Variants in SRL observed in about 807,000 individuals in gnomAD.
The protein encoded by SRL is sarcalumenin.
SRL carries 23 observed loss-of-function variants against 39.5 expected under a neutral mutation model. The ratio of observed to expected loss-of-function variants is 0.58; its 90% CI spans 0.42 to 0.82. The LOEUF (loss-of-function observed/expected upper bound fraction) is 0.82, where lower values mean the gene tolerates loss of function less well. SRL is among the 40% of genes least tolerant of loss of function. SRL has a pLI of 0.00. For missense variants in SRL, 592 were observed against 607.8 expected, an observed-to-expected ratio of 0.97 and a Z score of 0.27; for synonymous variants, 272 against 237.4, an observed-to-expected ratio of 1.15 and a Z score of -1.34.
chr16:4,201,985 C>T (rs2052240273), intron 3 of SRL, among the ~76,000 whole-genome samples: 1 of 151,840 alleles, frequency 6.6e-6, no homozygotes. Flanking sequence ...GAGATGGGGT[C>T]TGACTATGTT....
Position 4,203,146 on chromosome 16 carries a change from C to T in SRL, c.259+20G>A. 6.2e-7 allele frequency: 1 copy of T among 1,605,808 alleles called. No individual in the cohort carries two copies. The highest frequency in any genetic ancestry group is 1.1e-5 in the South Asian group (1 of 90,962). On this transcript the variant is annotated intron_variant, in intron 3 of 5. Coordinates refer to ENST00000399609, the MANE Select transcript of SRL (RefSeq NM_001098814.2). Reference sequence around the variant, plus strand: ...GCCGTACCCGTAATCTCAAGCCCTACCTGTTATCTCAAGCCCTACCTGTGA... The same window carrying T: ...GCCGTACCCGTAATCTCAAGCCCTATCTGTTATCTCAAGCCCTACCTGTGA...
intron 1 of SRL, among the ~76,000 whole-genome samples, chr16:4,215,120 C>G (rs1412698879): frequency 6.6e-6 from 1 of 152,204 alleles, no homozygotes; most frequent in Non-Finnish European, 1.5e-5. Flanking sequence ...GGCTGTTGCC[C>G]ATAAGGACCC....
chr16:4,208,383 G>A (rs756545978), intron 1 of SRL, among the ~76,000 whole-genome samples: 8 of 152,140 alleles, frequency 5.3e-5, no homozygotes, highest in Non-Finnish European at 1.0e-4. Context: ...GCTAACCCGA[G>A]AACCGCCCCC....
chr16:4,200,185 C>T (rs559527456), intron 3 of SRL, among the ~76,000 whole-genome samples: 1 of 152,282 alleles, frequency 6.6e-6, no homozygotes, highest in South Asian at 2.1e-4. Flanking sequence ...TGTGAATACA[C>T]AGGAGACACT....
chr16:4,191,297 C>T lies in SRL; in HGVS notation c.*856G>A. On this transcript the variant is annotated 3_prime_UTR_variant, in exon 6 of 6. Transcript: ENST00000399609. ...CCCCACCCCTTGAGGAAACCAGGAG[C>T]AAGTCCGGGGGATTGGCTCAAAACC... The T allele has an allele frequency of 6.6e-6, 1 of 152,496 alleles. No individual in the cohort carries two copies. The highest frequency in any genetic ancestry group is 1.5e-5 in the Non-Finnish European group (1 of 68,190). 9.4% of individuals were successfully genotyped at this position (152,496 alleles called of 1,614,324 possible).
chr16:4,211,452 T>C (rs1447415100), intron 1 of SRL, among the ~76,000 whole-genome samples: 3 of 126,860 alleles, frequency 2.4e-5, no homozygotes, highest in African/African-American at 8.1e-5. Flanking sequence ...ATGAGGATCG[T>C]GATGATGATG....
rs1317406294 is a variant in SRL, at chr16:4,192,686, C to T, written c.889G>A (p.Glu297Lys). 1.9e-6 allele frequency: 3 copies of T among 1,614,136 alleles called. No individual in the cohort carries two copies. Among genetic ancestry groups the T allele is most frequent in the Non-Finnish European group, 2.5e-6 (3 of 1,180,032 alleles). Reference protein sequence around the residue: ...RVYVSSFWPQEYKPDTHQELF... With the variant: ...RVYVSSFWPQKYKPDTHQELF... ...TCCTGATGGGTGTCCGGCTTATACT[C>T]TTGTGGCCAGAAGGAGCTGACGTAA... The change falls in exon 6 of 6, where the codon GAG (glutamate) becomes AAG (lysine). Residue 297 changes from glutamate (E) to lysine (K), a missense_variant. Coordinates refer to ENST00000399609, the MANE Select transcript of SRL (RefSeq NM_001098814.2). This position sits in a 1 kb window ranked among gnomAD's most constrained non-coding sequence, Gnocchi z 4.0.
intron 1 of SRL, among the ~76,000 whole-genome samples, chr16:4,225,806 A>AC (rs1381243117): frequency 1.3e-5 from 2 of 150,940 alleles, no homozygotes; most frequent in Non-Finnish European, 2.9e-5. Context: ...GCAACAGGAG[A>AC]CCCCCACTCC....
intron 3 of SRL, among the ~76,000 whole-genome samples, chr16:4,200,860 C>T (rs1371891976): frequency 6.6e-6 from 1 of 152,202 alleles, no homozygotes; most frequent in East Asian, 1.9e-4. Context: ...CCCTATTACA[C>T]CCTGGCCACT....
At chr16:4,232,052 G>A (rs200005201) in intron 1 of SRL, among the ~76,000 whole-genome samples, 4 of 152,136 alleles carry the variant, frequency 2.6e-5, no homozygotes, top group South Asian at 2.1e-4. Flanking sequence ...CCCGGGTTCC[G>A]GTGCTCCCGC....
At chr16:4,197,060 CTTTT>C (rs1172658613) in intron 4 of SRL, among the ~76,000 whole-genome samples, 949 of 85,920 alleles carry the variant, frequency 0.011, 13 homozygotes, top group African/African-American at 0.04. Flanking sequence ...TCCAAATTTT[CTTTT>C]TTTTTTTTTT....
chr16:4,207,184 C>G (rs768335321), intron 1 of SRL: 3 of 456,906 alleles, frequency 6.6e-6, no homozygotes, highest in African/African-American at 4.0e-5. Context: ...GACTCCTCTT[C>G]GGAGGGAACT....
chr16:4,229,640 G>C (rs901352946), intron 1 of SRL, among the ~76,000 whole-genome samples: 4 of 151,888 alleles, frequency 2.6e-5, no homozygotes, highest in African/African-American at 7.3e-5. Context: ...ATGGGGGAGT[G>C]AGAAAGAGGA....
chr16:4,241,883 A>C, intron 1 of SRL, 124 bp downstream of exon 1: 3 of 991,168 alleles, frequency 3.0e-6, no homozygotes, highest in African/African-American at 1.6e-5. Context: ...GGGTAAGAAG[A>C]CACCAGCCAA....
chr16:4,231,804 A>G (rs2052662342), intron 1 of SRL, among the ~76,000 whole-genome samples: 1 of 152,198 alleles, frequency 6.6e-6, no homozygotes, highest in South Asian at 2.1e-4. Flanking sequence ...AAGTTGCCGC[A>G]TACTCACAAG....
intron 1 of SRL, among the ~76,000 whole-genome samples, chr16:4,218,435 G>T (rs2052485890): frequency 6.6e-6 from 1 of 152,166 alleles, no homozygotes; most frequent in Non-Finnish European, 1.5e-5. Context: ...AGTGAGCACT[G>T]GGAGTAAGAC....
chr16:4,198,380 T>C (rs2052177710), intron 3 of SRL, among the ~76,000 whole-genome samples: 1 of 152,160 alleles, frequency 6.6e-6, no homozygotes, highest in African/African-American at 2.4e-5. Flanking sequence ...TCTCCTCTCC[T>C]CCAGCCTGGG....
At position 4,190,433 on chromosome 16, in the gene SRL, G is replaced by A. The variant is rs140914930; in HGVS notation, c.*1720C>T. ...GAGAAGCGGCTGGCTGTGTACAAAG[G>A]AGCCCCTCGAGGCAGCCCGGGCTGG... On this transcript the variant is annotated 3_prime_UTR_variant, in exon 6 of 6. Coordinates refer to ENST00000399609, the MANE Select transcript of SRL (RefSeq NM_001098814.2). The A allele has an allele frequency of 1.3e-3, 528 of 398,746 alleles. 2 individuals are homozygous for A. Among genetic ancestry groups the A allele is most frequent in the African/African-American group, 9.8e-3 (478 of 48,744 alleles). 24.7% of individuals were successfully genotyped at this position (398,746 alleles called of 1,614,324 possible).
chr16:4,219,749 C>G (rs917819131), intron 1 of SRL, among the ~76,000 whole-genome samples: 6 of 152,274 alleles, frequency 3.9e-5, no homozygotes, highest in African/African-American at 1.4e-4. Context: ...GTGTGAGCCA[C>G]CACGCCTGGC....
Sources: allele counts gnomAD v4.1 joint callset (sites outside exome capture counted in the v4.1 genomes callset), GRCh38; gene constraint gnomAD v4.1.1; non-coding constraint Gnocchi (gnomAD v3.1); transcripts MANE v1.5; gene names NCBI Gene and HGNC (gene_info 2026-07-23, HGNC 2026-07-21).